Variants in FAM178B observed in about 807,000 individuals in gnomAD.
FAM178B encodes the protein protein FAM178B.
A neutral mutation model predicts 91.7 loss-of-function variants in FAM178B; 82 were observed. The observed-to-expected ratio is 0.89, with a 90% CI of 0.75 to 1.07. The LOEUF is 1.07. Among genes scored for constraint, FAM178B ranks in the 50% least tolerant of loss-of-function variants. The pLI, the probability that FAM178B is intolerant of heterozygous loss-of-function variation, is 0.00. For synonymous variants in FAM178B, 368 were observed against 359.4 expected (o/e 1.02, Z -0.27); for missense variants, 769 against 846.7 (o/e 0.91, Z 1.14).
intron 16 of FAM178B, among the ~76,000 whole-genome samples, chr2:96,877,360 TTC>T (rs1420178145): frequency 6.6e-6 from 1 of 151,948 alleles, no homozygotes; most frequent in Non-Finnish European, 1.5e-5. Flanking sequence ...AGGACTGCGC[TTC>T]TCTGTGTCCC....
intron 1 of FAM178B, among the ~76,000 whole-genome samples, chr2:96,977,194 CAAAAAAA>C (rs70964891): frequency 7.8e-5 from 3 of 38,520 alleles, no homozygotes; most frequent in African/African-American, 3.5e-4. Context: ...GACTCTGTCT[CAAAAAAA>C]AAAAAAAAAA....
intron 12 of FAM178B, among the ~76,000 whole-genome samples, chr2:96,919,335 C>T (rs1463475237): frequency 6.6e-6 from 1 of 152,176 alleles, no homozygotes; most frequent in African/African-American, 2.4e-5. Context: ...GCCCTGCAGG[C>T]AATGGGGAGC....
chr2:96,972,276 C>T lies in FAM178B; in HGVS notation c.189G>A (p.Glu63=). 1 of 1,494,116 alleles carries T rather than the reference C, an allele frequency of 6.7e-7. No homozygotes were observed. Among genetic ancestry groups the T allele is most frequent in the Non-Finnish European group, 8.9e-7 (1 of 1,121,322 alleles). 92.6% of individuals were successfully genotyped at this position (1,494,116 alleles called of 1,614,324 possible). Residue 63 remains glutamate, a synonymous_variant, in exon 3 of 17, where the codon GAG becomes GAA. Transcript: ENST00000490605. ...CCAGGGGATGGTCTGACAAGCCATC[C>T]TCCAGGTTGTACAGGAGGATGGGCA... The part of the protein sequence containing the change: ...ATVPILLYNL[E]DGLSDHPLDQ...
chr2:96,976,388 T>C (rs1414969784), intron 1 of FAM178B, among the ~76,000 whole-genome samples: 1 of 151,368 alleles, frequency 6.6e-6, no homozygotes, highest in Non-Finnish European at 1.5e-5. Flanking sequence ...CCACCATGCC[T>C]GGCCAAAACA....
chr2:96,896,324 C>T (rs1323847172), intron 13 of FAM178B, among the ~76,000 whole-genome samples: 5 of 152,214 alleles, frequency 3.3e-5, no homozygotes, highest in Non-Finnish European at 5.9e-5. Context: ...CTGCGATCTG[C>T]CTGTGCCGTT....
chr2:96,892,791 T>C (rs974156656), intron 14 of FAM178B, among the ~76,000 whole-genome samples: 1 of 152,172 alleles, frequency 6.6e-6, no homozygotes, highest in African/African-American at 2.4e-5. Context: ...CCCTGAGTTC[T>C]GTTTAGACAG....
chr2:96,968,719 C>T, intron 4 of FAM178B, among the ~76,000 whole-genome samples: 1 of 152,126 alleles, frequency 6.6e-6, no homozygotes, highest in East Asian at 1.9e-4. Flanking sequence ...CTCAGCCCCT[C>T]ATCACTGTCC....
intron 13 of FAM178B, chr2:96,898,066 C>G (rs577109438): frequency 3.0e-6 from 3 of 985,690 alleles, no homozygotes; most frequent in African/African-American, 3.5e-5. Context: ...CAGTGCCCTG[C>G]AAATTGCTGT....
At chr2:96,888,885 C>T (rs551644283) in intron 14 of FAM178B, among the ~76,000 whole-genome samples, 1 of 152,184 alleles carries the variant, frequency 6.6e-6, no homozygotes, top group Non-Finnish European at 1.5e-5. Context: ...CTGGAGCACA[C>T]CCCCCCTCCC....
rs1214932807 is a variant in FAM178B, at chr2:96,881,666, AC to A, written c.1777-3174del. Among the ~76,000 whole-genome samples the A allele has an allele frequency of 5.5e-5, 8 of 144,292 alleles. No individual in the cohort carries two copies. In the East Asian group the frequency reaches 1.5e-3, roughly 27 times the overall value. The allele number at this position is 144,292 out of a possible 152,430, so 94.7% of individuals were successfully genotyped here. A position where few individuals can be genotyped will look rare whatever the true frequency, so the allele number is the denominator to read the frequency against. On this transcript the variant is annotated intron_variant, in intron 14 of 16. Coordinates refer to ENST00000490605, the MANE Select transcript of FAM178B (RefSeq NM_001122646.3). ...GGAGGAAAAATCTGTCAGTGGACTTACCCCAGGCAGTGGAGAGTTACTGGTT... is the reference window on the plus strand; with the variant it reads ...GGAGGAAAAATCTGTCAGTGGACTTACCCAGGCAGTGGAGAGTTACTGGTT...
intron 1 of FAM178B, among the ~76,000 whole-genome samples, chr2:96,985,218 C>T (rs1263000255): frequency 1.3e-5 from 2 of 152,194 alleles, no homozygotes; most frequent in Admixed American, 1.3e-4. Context: ...TTTGTTATCT[C>T]TTTCCCTCCT....
chr2:96,907,353 A>G (rs923890952), intron 12 of FAM178B, among the ~76,000 whole-genome samples: 5 of 152,182 alleles, frequency 3.3e-5, no homozygotes, highest in Non-Finnish European at 7.4e-5. Context: ...CAGACTGTGC[A>G]GGGCACAAGC....
rs1216495530 is a variant in FAM178B, at chr2:96,921,616, G to A, written c.1326C>T (p.Tyr442=). 1.3e-6 allele frequency: 2 copies of A among 1,551,558 alleles called. No homozygotes were observed. Among genetic ancestry groups the A allele is most frequent in the Admixed American group, 3.9e-5 (2 of 50,992 alleles). Residue 442 remains tyrosine (Y), a synonymous_variant, in exon 11 of 17, where the codon TAC becomes TAT. Transcript: ENST00000490605. ...ALCAQAQPGA[Y]TDENLMGLIE... ...TCAGTCCCATGAGGTTCTCATCAGT[G>A]TAGGCCCCCGGCTGGGCCTGGGCAC... is the stretch of plus-strand genomic sequence containing the variant.
intron 8 of FAM178B, among the ~76,000 whole-genome samples, chr2:96,933,265 TA>T (rs1559081859): frequency 6.6e-6 from 1 of 151,554 alleles, no homozygotes; most frequent in Non-Finnish European, 1.5e-5. Flanking sequence ...AAAAAAAAAT[TA>T]AAAAAATTTG....
chr2:96,929,068 G>C, intron 9 of FAM178B, 138 bp downstream of exon 9: 2 of 649,114 alleles, frequency 3.1e-6, no homozygotes, highest in Non-Finnish European at 5.5e-6. Context: ...TGAGGTGGGA[G>C]GATCACTTGA....
At chr2:96,925,083 C>T (rs1184743508) in intron 9 of FAM178B, among the ~76,000 whole-genome samples, 1 of 152,036 alleles carries the variant, frequency 6.6e-6, no homozygotes, top group Admixed American at 6.5e-5. Context: ...CACATCTGGG[C>T]GCAGGCTGGG....
rs2153375460 is a variant in FAM178B, at chr2:96,967,621, C to T, written c.633G>A (p.Gln211=). 3 of 1,548,488 alleles carry T rather than the reference C, an allele frequency of 1.9e-6. No individual in the cohort carries two copies. The highest frequency in any genetic ancestry group is 2.4e-5 in the East Asian group (1 of 40,908). Residue 211 remains glutamine, a synonymous_variant, in exon 5 of 17, where the codon CAG becomes CAA. Transcript: ENST00000490605. Reference sequence around the variant, plus strand: ...GCCTCTCTCGCTCCTGCTCCAGGGCCTGTTCCCTATAGGAAGTCGAGGGCC... The same window carrying T: ...GCCTCTCTCGCTCCTGCTCCAGGGCTTGTTCCCTATAGGAAGTCGAGGGCC... ...LDYLLQEKRE[Q]ALEQERERLL...
chr2:96,932,593 C>T (rs554596154), intron 8 of FAM178B, among the ~76,000 whole-genome samples: 36 of 152,306 alleles, frequency 2.4e-4, no homozygotes, highest in Admixed American at 1.3e-3. Flanking sequence ...AGACACAGAA[C>T]AGTCATTTTA....
At chr2:96,935,150 A>G (rs2081603472) in intron 8 of FAM178B, among the ~76,000 whole-genome samples, 2 of 152,208 alleles carry the variant, frequency 1.3e-5, no homozygotes, top group African/African-American at 4.8e-5. Context: ...AAATAACAAA[A>G]TGGAACAAAA....
Sources: allele counts gnomAD v4.1 joint callset (sites outside exome capture counted in the v4.1 genomes callset), GRCh38; gene constraint gnomAD v4.1.1; transcripts MANE v1.5; gene names NCBI Gene and HGNC (gene_info 2026-07-23, HGNC 2026-07-21).